DOK6: variants seen among roughly 807,000 people sequenced by gnomAD.
DOK6 encodes downstream of tyrosine kinase 6.
DOK6 carries 22 observed loss-of-function variants against 44.0 expected under a neutral mutation model. That is an observed-to-expected ratio of 0.50 (90% confidence interval 0.36 to 0.71). The LOEUF (loss-of-function observed/expected upper bound fraction) is 0.71. Among genes scored for constraint, DOK6 ranks in the 30% least tolerant of loss-of-function variants. The probability of loss-of-function intolerance (pLI) is 0.00; values close to 1 mark genes in which losing one functional copy is unlikely to be tolerated. For synonymous variants in DOK6, 166 were observed against 145.5 expected, an observed-to-expected ratio of 1.14 and a Z score of -1.01; for missense variants, 340 against 416.4, an observed-to-expected ratio of 0.82 and a Z score of 1.60.
chr18:69,778,700 C>T (rs1980159748), intron 7 of DOK6, among the ~76,000 whole-genome samples: 2 of 152,082 alleles, frequency 1.3e-5, no homozygotes, highest in South Asian at 2.1e-4. Context: ...TCATCATATT[C>T]CATAGTAGGA....
At chr18:69,513,512 T>C (rs530741947) in intron 1 of DOK6, among the ~76,000 whole-genome samples, 2 of 152,330 alleles carry the variant, frequency 1.3e-5, no homozygotes, top group African/African-American at 2.4e-5. Context: ...AAGAAAAAGA[T>C]AACCCTTTGT....
chr18:69,498,120 A>G, intron 1 of DOK6, among the ~76,000 whole-genome samples: 1 of 152,188 alleles, frequency 6.6e-6, no homozygotes, highest in Non-Finnish European at 1.5e-5. Context: ...AAAGAATGTT[A>G]ATCTTACTAT....
chr18:69,467,842 A>T lies in DOK6; in HGVS notation c.66+66532A>T, dbSNP rs147167422. On this transcript the variant is annotated intron_variant, in intron 1 of 7. Coordinates refer to ENST00000382713, the MANE Select transcript of DOK6 (RefSeq NM_152721.6). ...GTTAGTCTTGCTATTTACAATTATTATTATTGTTGTGATATCTGTATTAGA... is the reference window on the plus strand; with the variant it reads ...GTTAGTCTTGCTATTTACAATTATTTTTATTGTTGTGATATCTGTATTAGA... 3.3e-5 allele frequency among the ~76,000 whole-genome samples: 5 copies of T among 152,200 alleles called. No homozygotes were observed. In the South Asian group the frequency reaches 6.2e-4, roughly 19 times the overall value.
chr18:69,515,822 A>T (rs1388969779), intron 1 of DOK6, among the ~76,000 whole-genome samples: 1 of 152,222 alleles, frequency 6.6e-6, no homozygotes, highest in African/African-American at 2.4e-5. Flanking sequence ...ACATGTACAC[A>T]CAGTGTATGA....
At chr18:69,582,119 A>G (rs755546467) in intron 2 of DOK6, among the ~76,000 whole-genome samples, 6 of 152,242 alleles carry the variant, frequency 3.9e-5, no homozygotes, top group Non-Finnish European at 8.8e-5. Context: ...TATGCTTTGC[A>G]GACCATAGGT....
At chr18:69,542,043 T>G (rs1433789445) in intron 1 of DOK6, among the ~76,000 whole-genome samples, 1 of 151,440 alleles carries the variant, frequency 6.6e-6, no homozygotes, top group East Asian at 1.9e-4. Flanking sequence ...AAAGGCAGAA[T>G]GGAGATGGTG....
intron 4 of DOK6, among the ~76,000 whole-genome samples, chr18:69,685,861 T>C (rs957609961): frequency 4.6e-5 from 7 of 152,188 alleles, no homozygotes; most frequent in Admixed American, 2.0e-4. Flanking sequence ...CTTTTGGTCA[T>C]GTGTGGCTTC....
intron 7 of DOK6, among the ~76,000 whole-genome samples, chr18:69,777,191 C>T (rs1017115366): frequency 4.6e-5 from 7 of 151,250 alleles, no homozygotes; most frequent in African/African-American, 1.7e-4. Flanking sequence ...TTTTCAAAGC[C>T]TCAGTATTCC....
chr18:69,488,842 T>C (rs1017734309), intron 1 of DOK6, among the ~76,000 whole-genome samples: 12 of 152,184 alleles, frequency 7.9e-5, no homozygotes, highest in Non-Finnish European at 5.9e-5. Context: ...GATTCACTTA[T>C]GTTATTCTCT....
intron 1 of DOK6, among the ~76,000 whole-genome samples, chr18:69,461,241 T>A (rs1739109357): frequency 6.6e-6 from 1 of 152,192 alleles, no homozygotes. Flanking sequence ...TTAGAAGCAC[T>A]TGCAATCTTA....
chr18:69,785,656 T>G (rs187086138), intron 7 of DOK6, among the ~76,000 whole-genome samples: 62 of 152,304 alleles, frequency 4.1e-4, no homozygotes, highest in African/African-American at 1.4e-3. Flanking sequence ...TTTGTTCCGT[T>G]GCCAGATTTG....
At chr18:69,473,513 T>C (rs1364649976) in intron 1 of DOK6, among the ~76,000 whole-genome samples, 1 of 152,172 alleles carries the variant, frequency 6.6e-6, no homozygotes, top group Non-Finnish European at 1.5e-5. Flanking sequence ...TCACCTGATT[T>C]CTTTCAGCCA....
intron 1 of DOK6, among the ~76,000 whole-genome samples, chr18:69,446,916 C>G (rs1245590096): frequency 6.6e-6 from 1 of 152,084 alleles, no homozygotes; most frequent in Non-Finnish European, 1.5e-5. Flanking sequence ...TTGATTTTTT[C>G]TTGTAAATTT....
chr18:69,750,970 T>C (rs1175581746), intron 6 of DOK6, among the ~76,000 whole-genome samples: 2 of 151,970 alleles, frequency 1.3e-5, no homozygotes, highest in African/African-American at 4.8e-5. Context: ...ATAGATGGAA[T>C]TGGAGAACAT....
chr18:69,493,239 G>A lies in DOK6; in HGVS notation c.67-71248G>A, dbSNP rs568343844. Among the ~76,000 whole-genome samples, 18 of 152,168 alleles carry A rather than the reference G, an allele frequency of 1.2e-4. No individual in the cohort carries two copies. The South Asian group carries it at 3.7e-3, about 32-fold the overall frequency. On this transcript the variant is annotated intron_variant, in intron 1 of 7. Coordinates refer to ENST00000382713, the MANE Select transcript of DOK6 (RefSeq NM_152721.6). Reference sequence around the variant, plus strand: ...GACATTACCTTATTTAATCCCTTTTGTAAACTTACACGTTTGGCATGGCTA... The same window carrying A: ...GACATTACCTTATTTAATCCCTTTTATAAACTTACACGTTTGGCATGGCTA...
chr18:69,703,967 C>A (rs2144708417), intron 5 of DOK6, among the ~76,000 whole-genome samples: 1 of 152,270 alleles, frequency 6.6e-6, no homozygotes, highest in East Asian at 1.9e-4. Flanking sequence ...CTCTTCTCTG[C>A]CATGCGGAGG....
At chr18:69,586,825 T>G (rs966936417) in intron 2 of DOK6, among the ~76,000 whole-genome samples, 1 of 152,170 alleles carries the variant, frequency 6.6e-6, no homozygotes, top group Non-Finnish European at 1.5e-5. Context: ...CGAATGGAAC[T>G]TCACCTCCCA....
chr18:69,498,455 T>C (rs116571778), intron 1 of DOK6, among the ~76,000 whole-genome samples: 395 of 152,300 alleles, frequency 2.6e-3, no homozygotes, highest in African/African-American at 8.9e-3. Flanking sequence ...TTTATGCAAA[T>C]AATTTGATAT....
At chr18:69,694,199 T>G (rs986850880) in intron 4 of DOK6, among the ~76,000 whole-genome samples, 1 of 151,736 alleles carries the variant, frequency 6.6e-6, no homozygotes, top group African/African-American at 2.4e-5. Context: ...CTGCCCCTTT[T>G]CCCTGAGTAC....
Sources: gnomAD v4.1 joint callset for allele counts (sites outside exome capture counted in the v4.1 genomes callset) on GRCh38, gnomAD v4.1.1 for gene constraint, MANE v1.5 for transcripts, NCBI Gene and HGNC (gene_info 2026-07-23, HGNC 2026-07-21) for gene names.